The following GLP2R variants were observed in gnomAD, a reference collection of about 807,000 sequenced individuals.
GLP2R encodes the protein glucagon like peptide 2 receptor, also known as glucagon-like peptide 2 receptor.
GLP2R carries 59 observed loss-of-function variants against 68.2 expected under a neutral mutation model. The ratio of observed to expected loss-of-function variants is 0.87; its 90% CI spans 0.70 to 1.07. The LOEUF is 1.07. GLP2R is among the 50% of genes least tolerant of loss of function. GLP2R has a pLI of 0.00. For missense variants in GLP2R, 548 were observed against 677.4 expected (o/e 0.81, Z 2.12); for synonymous variants, 270 against 265.4 (o/e 1.02, Z -0.17).
chr17:9,887,019 G>A (rs909301959), intron 11 of GLP2R, among the ~76,000 whole-genome samples: 1 of 152,168 alleles, frequency 6.6e-6, no homozygotes, highest in Non-Finnish European at 1.5e-5. Context: ...GGTGATCACA[G>A]TGACTATCTG....
intron 4 of GLP2R, among the ~76,000 whole-genome samples, chr17:9,843,659 CTT>C (rs1194281364): frequency 6.6e-6 from 1 of 152,234 alleles, no homozygotes; most frequent in Non-Finnish European, 1.5e-5. Context: ...TCGTTGGACT[CTT>C]GCTCTTCTCC....
At chr17:9,865,509 T>G (rs1267229636) in intron 9 of GLP2R, among the ~76,000 whole-genome samples, 2 of 152,166 alleles carry the variant, frequency 1.3e-5, no homozygotes, top group Non-Finnish European at 2.9e-5. Context: ...CTAAACTCCT[T>G]AGAGTCATTC....
chr17:9,871,721 C>CTTTTTTTTTTTTTTTTT (rs372099240), intron 10 of GLP2R, among the ~76,000 whole-genome samples: 1 of 102,312 alleles, frequency 9.8e-6, no homozygotes, highest in African/African-American at 4.0e-5. Context: ...TACTTTCTTT[C>CTTTTTTTTTTTTTTTTT]TTTTTTTTTT....
Position 9,854,498 on chromosome 17 carries a change from G to GATCGTT in GLP2R, c.511_516dup (p.Arg171_Tyr172dup), listed in dbSNP as rs770331146. 1.4e-5 allele frequency: 23 copies of GATCGTT among 1,593,616 alleles called. 1 individual carries two copies. The South Asian group carries it at 2.2e-4, about 15-fold the overall frequency. On this transcript the variant is annotated inframe_insertion, in exon 5 of 13. Coordinates refer to ENST00000262441, the MANE Select transcript of GLP2R (RefSeq NM_004246.3). Reference sequence around the variant, plus strand: ...TCTGCTCTTCCTCTGTGTTCAGGTGGATCGTTATGCCTTGCTGTCAACCTT... The same window carrying GATCGTT: ...TCTGCTCTTCCTCTGTGTTCAGGTGGATCGTTATCGTTATGCCTTGCTGTCAACCTT...
At position 9,861,016 on chromosome 17, in the gene GLP2R, A is replaced by G. The variant is rs534114034; in HGVS notation, c.926-123A>G. 39 of 741,696 alleles carry G rather than the reference A, an allele frequency of 5.3e-5. No individual in the cohort carries two copies. In the South Asian group the frequency reaches 5.9e-4, roughly 11 times the overall value. 45.9% of individuals were successfully genotyped at this position (741,696 alleles called of 1,614,324 possible). A position where few individuals can be genotyped will look rare whatever the true frequency, so the allele number is the denominator to read the frequency against. ...TGGGTCTCTCCAGCTCTCACAGTCCACAACTCCATGATGTTAGGTTTGATG... is the reference window on the plus strand; with the variant it reads ...TGGGTCTCTCCAGCTCTCACAGTCCGCAACTCCATGATGTTAGGTTTGATG... On this transcript the variant is annotated intron_variant, in intron 7 of 12. Transcript: ENST00000262441.
chr17:9,826,776 T>G (rs2066636047), intron 1 of GLP2R, among the ~76,000 whole-genome samples: 1 of 152,232 alleles, frequency 6.6e-6, no homozygotes, highest in Non-Finnish European at 1.5e-5. Flanking sequence ...TACAAATCAC[T>G]CTACTTCCAA....
chr17:9,861,919 G>A (rs2066990941), intron 8 of GLP2R, 102 bp from the exon 9 acceptor site: 2 of 829,028 alleles, frequency 2.4e-6, no homozygotes, highest in Admixed American at 3.5e-5. Context: ...GGGAAGTAGG[G>A]CTTGAGTGCA....
At chr17:9,864,036 A>G (rs189838365) in intron 9 of GLP2R, among the ~76,000 whole-genome samples, 1 of 152,258 alleles carries the variant, frequency 6.6e-6, no homozygotes, top group Admixed American at 6.5e-5. Flanking sequence ...CCTAGTGTTT[A>G]CTTGCAGTCT....
intron 4 of GLP2R, among the ~76,000 whole-genome samples, chr17:9,851,137 A>C (rs943515507): frequency 9.9e-5 from 15 of 152,182 alleles, no homozygotes; most frequent in Admixed American, 8.5e-4. Flanking sequence ...CAAAACACAC[A>C]CGTGTTTTAA....
At chr17:9,874,043 T>G (rs140006296) in intron 10 of GLP2R, among the ~76,000 whole-genome samples, 1 of 152,018 alleles carries the variant, frequency 6.6e-6, no homozygotes, top group African/African-American at 2.4e-5. Flanking sequence ...AGCTAATATA[T>G]GTATTATAAG....
intron 11 of GLP2R, among the ~76,000 whole-genome samples, chr17:9,887,253 C>A (rs1197980712): frequency 6.6e-6 from 1 of 151,656 alleles, no homozygotes; most frequent in African/African-American, 2.4e-5. Flanking sequence ...AAGGACCAGG[C>A]ACAGTGGCTC....
chr17:9,880,894 C>T (rs1525061), intron 11 of GLP2R, among the ~76,000 whole-genome samples: 7,491 of 152,170 alleles, frequency 0.049, 662 homozygotes, highest in African/African-American at 0.17. Context: ...ACACAGAATG[C>T]AACACAAATT....
At chr17:9,844,212 A>G (rs2066815053) in intron 4 of GLP2R, among the ~76,000 whole-genome samples, 1 of 152,166 alleles carries the variant, frequency 6.6e-6, no homozygotes, top group Non-Finnish European at 1.5e-5. Flanking sequence ...CGGGAGAGGT[A>G]GGTGGTGAAG....
chr17:9,839,606 C>A (rs2066765905), intron 3 of GLP2R, among the ~76,000 whole-genome samples: 1 of 152,148 alleles, frequency 6.6e-6, no homozygotes, highest in Non-Finnish European at 1.5e-5. Context: ...CAGATCTGGC[C>A]CCCTCCAGGC....
chr17:9,851,814 ATTTAGTT>A, intron 4 of GLP2R, among the ~76,000 whole-genome samples: 1 of 152,338 alleles, frequency 6.6e-6, no homozygotes, highest in South Asian at 2.1e-4. Flanking sequence ...AGAGAAATAA[ATTTAGTT>A]TTTAAAATCA....
intron 1 of GLP2R, among the ~76,000 whole-genome samples, chr17:9,828,793 G>T (rs779383870): frequency 7.2e-5 from 11 of 152,142 alleles, no homozygotes; most frequent in Non-Finnish European, 1.5e-4. Flanking sequence ...TTACCAGGCT[G>T]AGAAAGCCAC....
chr17:9,884,493 A>G (rs1219501257), intron 11 of GLP2R, among the ~76,000 whole-genome samples: 1 of 152,158 alleles, frequency 6.6e-6, no homozygotes. Flanking sequence ...GAAGATTAGA[A>G]CCAGGAGACA....
chr17:9,881,035 TTATC>T (rs1431316109), intron 11 of GLP2R, among the ~76,000 whole-genome samples: 2 of 152,200 alleles, frequency 1.3e-5, no homozygotes, highest in Non-Finnish European at 2.9e-5. Flanking sequence ...GCTTAAATTA[TTATC>T]TATTTCTTAG....
chr17:9,890,075 C>A lies in GLP2R; in HGVS notation c.*370C>A. Reference sequence around the variant, plus strand: ...ATCCCTTGGGGTGCATGCTTTCCATCTGAGGTTGGGTTTAGGGTGCGTGAA... The same window carrying A: ...ATCCCTTGGGGTGCATGCTTTCCATATGAGGTTGGGTTTAGGGTGCGTGAA... On this transcript the variant is annotated 3_prime_UTR_variant, in exon 13 of 13. Transcript: ENST00000262441. The A allele has an allele frequency of 2.2e-6, 1 of 462,140 alleles. No homozygotes were observed. Among genetic ancestry groups the A allele is most frequent in the South Asian group, 1.5e-5 (1 of 64,610 alleles). 28.6% of individuals were successfully genotyped at this position (462,140 alleles called of 1,614,324 possible). A position where few individuals can be genotyped will look rare whatever the true frequency, so the allele number is the denominator to read the frequency against.
Sources: allele counts gnomAD v4.1 joint callset (sites outside exome capture counted in the v4.1 genomes callset), GRCh38; gene constraint gnomAD v4.1.1; transcripts MANE v1.5; gene names NCBI Gene and HGNC (gene_info 2026-07-23, HGNC 2026-07-21).